Variants in EPB41L5 observed in about 807,000 individuals in gnomAD.
EPB41L5 encodes the protein band 4.1-like protein 5.
Under a neutral mutation model 106.6 loss-of-function variants are expected in EPB41L5, and 55 were observed. The observed-to-expected ratio is 0.52, with a 90% CI of 0.42 to 0.65. The LOEUF (loss-of-function observed/expected upper bound fraction) is 0.65, where lower values mean the gene tolerates loss of function less well. Among genes scored for constraint, EPB41L5 ranks in the 30% least tolerant of loss-of-function variants. The probability of loss-of-function intolerance (pLI) is 0.00; values close to 1 mark genes in which losing one functional copy is unlikely to be tolerated. For missense variants in EPB41L5, 871 were observed against 882.1 expected, an observed-to-expected ratio of 0.99 and a Z score of 0.16; for synonymous variants, 297 against 306.7, an observed-to-expected ratio of 0.97 and a Z score of 0.33.
Position 120,087,230 on chromosome 2 carries a change from A to T in EPB41L5, c.863A>T (p.Asp288Val). The stretch of plus-strand genomic sequence containing the variant: ...AAATTAACCTTGGTGGTTGTAGAAG[A>T]TGATGATCAGGTAGGAATAAAATTA... ...KNKLTLVVVE[D>V]DDQGKEQEHT... The change falls in exon 11 of 25, where the codon GAT becomes GTT. Residue 288 changes from aspartate (D) to valine (V), a missense_variant. Asp to Val is a radical substitution (Grantham distance 152). Transcript: ENST00000263713. The T allele has an allele frequency of 6.4e-7, 1 of 1,563,414 alleles. No individual in the cohort carries two copies. The highest frequency in any genetic ancestry group is 8.8e-7 in the Non-Finnish European group (1 of 1,135,526).
In EPB41L5 at chr2:120,101,182, C is replaced by T. The variant is rs1440999212; in HGVS notation, c.1337+368C>T. On this transcript the variant is annotated intron_variant, in intron 16 of 24. Transcript: ENST00000263713. ...GTCCGTAAGGAAAGTATATCCACTACGTGTTATTCCACACAACATGATGCT... is the reference window on the plus strand; with the variant it reads ...GTCCGTAAGGAAAGTATATCCACTATGTGTTATTCCACACAACATGATGCT... 3.9e-5 allele frequency among the ~76,000 whole-genome samples: 6 copies of T among 152,142 alleles called. No individual in the cohort carries two copies. In the South Asian group the frequency reaches 6.2e-4, roughly 16 times the overall value.
At chr2:120,061,174 A>G (rs963732474) in intron 3 of EPB41L5, among the ~76,000 whole-genome samples, 5 of 149,806 alleles carry the variant, frequency 3.3e-5, no homozygotes, top group African/African-American at 1.2e-4. Context: ...TCGAGTAGCC[A>G]GGACTACAGG....
intron 12 of EPB41L5, among the ~76,000 whole-genome samples, chr2:120,091,297 T>C (rs923139705): frequency 1.3e-5 from 2 of 152,282 alleles, no homozygotes; most frequent in East Asian, 1.9e-4. Context: ...AGGACAGATA[T>C]TTCAAACTTA....
At chr2:120,111,940 T>C (rs571318343) in intron 16 of EPB41L5, among the ~76,000 whole-genome samples, 1 of 152,294 alleles carries the variant, frequency 6.6e-6, no homozygotes, top group Admixed American at 6.5e-5. Context: ...ACCAAGCATG[T>C]TCTCTCAGGA....
At chr2:120,049,405 A>G (rs898132284) in intron 3 of EPB41L5, among the ~76,000 whole-genome samples, 3 of 151,974 alleles carry the variant, frequency 2.0e-5, no homozygotes, top group Non-Finnish European at 4.4e-5. Flanking sequence ...TGATCCCTTT[A>G]CCATTATGTA....
rs987508482 is a variant in EPB41L5, at chr2:120,176,676, C to T, written c.*1769C>T. On this transcript the variant is annotated 3_prime_UTR_variant, in exon 25 of 25. Transcript: ENST00000263713. ...TATTTTCTCAAAGCTGAAGGTGACA[C>T]CTAGAACCAGGGGCTTGACCCAGGA... 1 of 152,204 alleles carries T rather than the reference C, an allele frequency of 6.6e-6. No individual in the cohort carries two copies. The highest frequency in any genetic ancestry group is 1.5e-5 in the Non-Finnish European group (1 of 68,048). 9.4% of individuals were successfully genotyped at this position (152,204 alleles called of 1,614,324 possible).
At chr2:120,050,024 A>G (rs1410570398) in intron 3 of EPB41L5, among the ~76,000 whole-genome samples, 5 of 152,192 alleles carry the variant, frequency 3.3e-5, no homozygotes, top group Non-Finnish European at 5.9e-5. Flanking sequence ...AGTTTCTGCC[A>G]AGAGATCCAC....
chr2:120,017,981 A>C (rs1303581415), intron 1 of EPB41L5, among the ~76,000 whole-genome samples: 1 of 91,266 alleles, frequency 1.1e-5, no homozygotes, highest in Non-Finnish European at 2.3e-5. Context: ...TTTTTTTTTG[A>C]GACGGAGTCT....
intron 16 of EPB41L5, among the ~76,000 whole-genome samples, chr2:120,117,349 T>C (rs568645602): frequency 6.6e-6 from 1 of 152,346 alleles, no homozygotes; most frequent in South Asian, 2.1e-4. Context: ...TTAGTATTTC[T>C]TCATGGTTCT....
intron 2 of EPB41L5, among the ~76,000 whole-genome samples, chr2:120,034,075 AAC>A (rs1376285132): frequency 6.6e-6 from 1 of 152,216 alleles, no homozygotes; most frequent in Non-Finnish European, 1.5e-5. Flanking sequence ...CAGCCTGGAC[AAC>A]AGAGTTGTCC....
rs70949387 is a variant in EPB41L5 at position 120,163,980 on chromosome 2, C to CTTTTTTTTTTTTTTTTTTTTTTTTTT, written c.1888-836_1888-835insTTTTTTTTTTTTTTTTTTTTTTTTTT. On this transcript the variant is annotated intron_variant, in intron 21 of 24. Coordinates refer to ENST00000263713, the MANE Select transcript of EPB41L5 (RefSeq NM_020909.4). ...ACTTTTTTTTATTTTTTTGTATTTA[C>CTTTTTTTTTTTTTTTTTTTTTTTTTT]TTTTTTTTTTTTTTTTTTTTGAGAT... Among the ~76,000 whole-genome samples, 2 of 68,140 alleles carry CTTTTTTTTTTTTTTTTTTTTTTTTTT rather than the reference C, an allele frequency of 2.9e-5. 1 individual carries two copies. The highest frequency in any genetic ancestry group is 1.1e-4 in the African/African-American group (2 of 18,514). 44.7% of individuals were successfully genotyped at this position (68,140 alleles called of 152,430 possible).
intron 16 of EPB41L5, among the ~76,000 whole-genome samples, chr2:120,116,568 C>T (rs1242985644): frequency 6.6e-6 from 1 of 152,170 alleles, no homozygotes. Context: ...CTCTTCCAGT[C>T]TGGAGTGCAG....
intron 18 of EPB41L5, among the ~76,000 whole-genome samples, chr2:120,138,738 G>T (rs2105484925): frequency 6.6e-6 from 1 of 152,000 alleles, no homozygotes; most frequent in South Asian, 2.1e-4. Context: ...ACTCAGTATT[G>T]ATTCAATGTC....
intron 3 of EPB41L5, among the ~76,000 whole-genome samples, chr2:120,046,577 G>C (rs1186041997): frequency 6.6e-6 from 1 of 151,310 alleles, no homozygotes; most frequent in Non-Finnish European, 1.5e-5. Context: ...TCAGATGGGT[G>C]GATTGCAAAA....
Position 120,163,202 on chromosome 2 carries a change from C to A in EPB41L5, c.1888-1634C>A, listed in dbSNP as rs1032048358. ...CCCAGGAAATTCAGGCTGCAGTGAG[C>A]TATGATTGTACCATTACACTCCAGC... On this transcript the variant is annotated intron_variant, in intron 21 of 24. Transcript: ENST00000263713. Among the ~76,000 whole-genome samples, 39 of 149,940 alleles carry A rather than the reference C, an allele frequency of 2.6e-4. 1 individual carries two copies. Among genetic ancestry groups the A allele is most frequent in the African/African-American group, 7.6e-4 (31 of 40,650 alleles).
At chr2:120,140,399 T>C (rs995098298) in intron 18 of EPB41L5, among the ~76,000 whole-genome samples, 3 of 152,004 alleles carry the variant, frequency 2.0e-5, no homozygotes, top group Non-Finnish European at 4.4e-5. Context: ...TATCTACATA[T>C]CTCGTGTACC....
At chr2:120,153,338 A>G (rs1686761448) in intron 20 of EPB41L5, among the ~76,000 whole-genome samples, 2 of 152,074 alleles carry the variant, frequency 1.3e-5, no homozygotes, top group Admixed American at 1.3e-4. Flanking sequence ...TTATGGTAAG[A>G]GAAGATATGT....
At chr2:120,062,761 C>T (rs772194534) in intron 3 of EPB41L5, among the ~76,000 whole-genome samples, 1 of 151,962 alleles carries the variant, frequency 6.6e-6, no homozygotes. Flanking sequence ...TAATTTGATC[C>T]TCAGAAAAAT....
At chr2:120,048,118 T>TGC (rs200306527) in intron 3 of EPB41L5, among the ~76,000 whole-genome samples, 1 of 152,010 alleles carries the variant, frequency 6.6e-6, no homozygotes, top group African/African-American at 2.4e-5. Flanking sequence ...TGGTCTAAAA[T>TGC]TCTTTTTTTG....
Sources: allele counts gnomAD v4.1 joint callset (sites outside exome capture counted in the v4.1 genomes callset), GRCh38; gene constraint gnomAD v4.1.1; transcripts MANE v1.5; gene names NCBI Gene and HGNC (gene_info 2026-07-23, HGNC 2026-07-21).